KHDRBS2: variants seen among roughly 807,000 people sequenced by gnomAD.
The protein encoded by KHDRBS2 is KH RNA binding domain containing, signal transduction associated 2.
Under a neutral mutation model 44.3 loss-of-function variants are expected in KHDRBS2, and 26 were observed. That is an observed-to-expected ratio of 0.59 (90% CI 0.43 to 0.81). The LOEUF (loss-of-function observed/expected upper bound fraction) is 0.81. KHDRBS2 is among the 40% of genes least tolerant of loss of function. The pLI is 0.00. For synonymous variants in KHDRBS2, 194 were observed against 151.1 expected (o/e 1.28, Z -2.08); for missense variants, 476 against 433.1 (o/e 1.10, Z -0.88).
chr6:62,005,399 A>G (rs1402164106), intron 3 of KHDRBS2, among the ~76,000 whole-genome samples: 3 of 152,034 alleles, frequency 2.0e-5, no homozygotes, highest in Non-Finnish European at 4.4e-5. Context: ...CCAATTAAAA[A>G]AATTTATTTG....
chr6:61,730,487 T>G (rs1482603962), intron 7 of KHDRBS2, among the ~76,000 whole-genome samples: 2 of 152,054 alleles, frequency 1.3e-5, no homozygotes, highest in Non-Finnish European at 2.9e-5. Flanking sequence ...GAAAAGGATT[T>G]GGAACAAATA....
chr6:61,562,880 A>C, the KHDRBS2 span, among the ~76,000 whole-genome samples: 2 of 152,172 alleles, frequency 1.3e-5, no homozygotes, highest in Non-Finnish European at 2.9e-5. Flanking sequence ...CTCTTACATG[A>C]GGATGAGTTG....
intron 2 of KHDRBS2, among the ~76,000 whole-genome samples, chr6:62,065,811 C>G (rs1031263957): frequency 6.6e-6 from 1 of 150,788 alleles, no homozygotes; most frequent in African/African-American, 2.4e-5. Flanking sequence ...CCATGTTTTA[C>G]CAAAATAACA....
At chr6:62,009,038 G>C (rs1301927188) in intron 3 of KHDRBS2, among the ~76,000 whole-genome samples, 1 of 152,142 alleles carries the variant, frequency 6.6e-6, no homozygotes, top group East Asian at 1.9e-4. Context: ...AACAGGCAGA[G>C]GTTGGAACAG....
chr6:62,111,329 C>T (rs578150730), intron 2 of KHDRBS2, among the ~76,000 whole-genome samples: 44 of 152,142 alleles, frequency 2.9e-4, no homozygotes, highest in African/African-American at 9.9e-4. Context: ...CACTGTAAAG[C>T]CTAAATGAAC....
At chr6:61,824,384 C>T (rs1421582785) in intron 6 of KHDRBS2, among the ~76,000 whole-genome samples, 1 of 152,138 alleles carries the variant, frequency 6.6e-6, no homozygotes, top group Non-Finnish European at 1.5e-5. Flanking sequence ...CTCTCTCTCT[C>T]TCCTGCTGCC....
chr6:62,141,841 C>G (rs1421757892), intron 2 of KHDRBS2, among the ~76,000 whole-genome samples: 2 of 152,082 alleles, frequency 1.3e-5, no homozygotes, highest in Non-Finnish European at 2.9e-5. Flanking sequence ...AGAAGTTGAT[C>G]TGCAGAGCTT....
the KHDRBS2 span, among the ~76,000 whole-genome samples, chr6:61,669,970 C>G: frequency 6.6e-6 from 1 of 150,776 alleles, no homozygotes; most frequent in Non-Finnish European, 1.5e-5. Context: ...CAGAATCCCA[C>G]TTCAAATAAA....
chr6:61,821,935 G>T (rs1789981613), intron 6 of KHDRBS2, among the ~76,000 whole-genome samples: 1 of 151,940 alleles, frequency 6.6e-6, no homozygotes, highest in Non-Finnish European at 1.5e-5. Context: ...CATTTATGTA[G>T]TCAGAAGACA....
intron 2 of KHDRBS2, among the ~76,000 whole-genome samples, chr6:62,093,489 G>T (rs1211597503): frequency 3.3e-5 from 5 of 151,736 alleles, no homozygotes; most frequent in African/African-American, 1.2e-4. Flanking sequence ...TTTGTAATGA[G>T]AACATTAAAA....
chr6:61,847,822 A>G (rs1360697610), intron 6 of KHDRBS2, among the ~76,000 whole-genome samples: 2 of 152,078 alleles, frequency 1.3e-5, no homozygotes, highest in Non-Finnish European at 2.9e-5. Context: ...ACTAACATAT[A>G]TAGGTATGTT....
At chr6:61,755,828 A>C (rs1416577659) in intron 6 of KHDRBS2, among the ~76,000 whole-genome samples, 1 of 151,266 alleles carries the variant, frequency 6.6e-6, no homozygotes, top group Non-Finnish European at 1.5e-5. Flanking sequence ...TCATTGGATT[A>C]TTTTGAAAAA....
chr6:62,130,463 C>A (rs1810024227), intron 2 of KHDRBS2, among the ~76,000 whole-genome samples: 1 of 152,078 alleles, frequency 6.6e-6, no homozygotes, highest in Non-Finnish European at 1.5e-5. Flanking sequence ...AATAAAAATA[C>A]TACGTTTTTC....
intron 2 of KHDRBS2, among the ~76,000 whole-genome samples, chr6:62,089,724 T>C (rs1799137546): frequency 1.3e-5 from 2 of 152,196 alleles, no homozygotes; most frequent in African/African-American, 2.4e-5. Context: ...TGATAGTAAG[T>C]ACAAATTTTC....
intron 1 of KHDRBS2, among the ~76,000 whole-genome samples, chr6:62,227,385 C>A (rs1350665347): frequency 6.6e-6 from 1 of 152,122 alleles, no homozygotes; most frequent in African/African-American, 2.4e-5. Context: ...TATCCTGAGA[C>A]TTTGCTGAAG....
At chr6:61,766,128 AC>A (rs1188349495) in intron 6 of KHDRBS2, among the ~76,000 whole-genome samples, 1 of 151,616 alleles carries the variant, frequency 6.6e-6, no homozygotes, top group African/African-American at 2.4e-5. Context: ...TTGCTGGAAG[AC>A]TTTTCATTAT....
rs1159982403 is a variant in KHDRBS2 at position 62,285,961 on chromosome 6, G to C, written c.-13C>G. 2 of 1,566,388 alleles carry C rather than the reference G, an allele frequency of 1.3e-6. No homozygotes were observed. Among genetic ancestry groups the C allele is most frequent in the Non-Finnish European group, 1.8e-6 (2 of 1,138,588 alleles). ...TCTCCTCTTCCATAGCGCGGACTTC[G>C]GATTGTCCCCGGGCGAAGCGCGAGG... On this transcript the variant is annotated 5_prime_UTR_variant, in exon 1 of 9. Coordinates refer to ENST00000281156, the MANE Select transcript of KHDRBS2 (RefSeq NM_152688.4).
the KHDRBS2 span, among the ~76,000 whole-genome samples, chr6:61,653,225 A>C: frequency 3.3e-5 from 5 of 151,972 alleles, no homozygotes; most frequent in African/African-American, 1.2e-4. Flanking sequence ...AGGAGTTGAA[A>C]AGCTTTGTTC....
chr6:62,160,090 C>T, intron 2 of KHDRBS2, among the ~76,000 whole-genome samples: 1 of 152,028 alleles, frequency 6.6e-6, no homozygotes, highest in East Asian at 1.9e-4. Context: ...CACGAGTAAT[C>T]AAGAAAGATG....
Sources: gnomAD v4.1 joint callset for allele counts (sites outside exome capture counted in the v4.1 genomes callset) on GRCh38, gnomAD v4.1.1 for gene constraint, MANE v1.5 for transcripts, NCBI Gene and HGNC (gene_info 2026-07-23, HGNC 2026-07-21) for gene names.